ALDOA: variants seen among roughly 807,000 people sequenced by gnomAD.
ALDOA encodes fructose-bisphosphate aldolase A.
A neutral mutation model predicts 43.9 loss-of-function variants in ALDOA; 26 were observed. That is an observed-to-expected ratio of 0.59 (90% confidence interval 0.43 to 0.82). The LOEUF (loss-of-function observed/expected upper bound fraction) is 0.82, where lower values mean the gene tolerates loss of function less well. ALDOA is among the 40% of genes least tolerant of loss of function. The probability of loss-of-function intolerance (pLI) is 0.00; values close to 1 mark genes in which losing one functional copy is unlikely to be tolerated. For missense variants in ALDOA, 498 were observed against 549.5 expected (o/e 0.91, Z 0.94); for synonymous variants, 258 against 222.6 (o/e 1.16, Z -1.42).
chr16:30,067,960 C>T lies in ALDOA; in HGVS notation c.486+299C>T, dbSNP rs1376234494. The T allele has an allele frequency of 1.9e-5, 9 of 476,204 alleles. No homozygotes were observed. The South Asian group carries it at 2.0e-4, about 11-fold the overall frequency. 29.5% of individuals were successfully genotyped at this position (476,204 alleles called of 1,614,324 possible). On this transcript the variant is annotated intron_variant, in intron 4 of 9. Coordinates refer to ENST00000642816, the MANE Select transcript of ALDOA (RefSeq NM_001243177.4). Reference sequence around the variant, plus strand: ...CAACATTTCTGTTGTCAAATAACATCCCAGTGTATCCTGTCTCAGAGGATT... The same window carrying T: ...CAACATTTCTGTTGTCAAATAACATTCCAGTGTATCCTGTCTCAGAGGATT...
rs2072126011 is a variant in ALDOA at position 30,066,883 on chromosome 16, A to G, written c.-13-2A>G. 3 of 1,546,880 alleles carry G rather than the reference A, an allele frequency of 1.9e-6. No homozygotes were observed. The highest frequency in any genetic ancestry group is 8.7e-7 in the Non-Finnish European group (1 of 1,145,088). The stretch of plus-strand genomic sequence containing the variant: ...AATACTCCGGTTCGGTTTTGTTTTC[A>G]GGCAAGGTGACCCCATGGCAAGGCG... On this transcript the variant is annotated splice_acceptor_variant, in intron 1 of 9. Coordinates refer to ENST00000642816, the MANE Select transcript of ALDOA (RefSeq NM_001243177.4). LOFTEE classifies it low-confidence loss of function (5UTR_SPLICE).
upstream of ALDOA, among the ~76,000 whole-genome samples, chr16:30,065,505 G>C (rs902161278): frequency 2.6e-5 from 4 of 152,224 alleles, no homozygotes; most frequent in South Asian, 6.2e-4. Flanking sequence ...AGCGCGCCAG[G>C]CTGGGGGAAA....
Position 30,069,362 on chromosome 16 carries a change from G to A in ALDOA, c.759G>A (p.Leu253=), listed in dbSNP as rs751632844. Residue 253 remains leucine, a synonymous_variant, in exon 7 of 10, where the codon TTG becomes TTA. Coordinates refer to ENST00000642816, the MANE Select transcript of ALDOA (RefSeq NM_001243177.4). ...TCCTCCCTGATGGGGACCATGACTT[G>A]AAGCGCTGCCAGTATGTGACCGAGA... ...PEILPDGDHD[L]KRCQYVTEKV... 1 of 1,614,204 alleles carries A rather than the reference G, an allele frequency of 6.2e-7. No individual in the cohort carries two copies. The highest frequency in any genetic ancestry group is 2.2e-5 in the East Asian group (1 of 44,878).
intron 1 of ALDOA, among the ~76,000 whole-genome samples, chr16:30,066,580 T>TA (rs1449018934): frequency 1.3e-5 from 2 of 152,202 alleles, no homozygotes; most frequent in African/African-American, 4.8e-5. Context: ...CTTGCTCTCT[T>TA]ATATTTTTCC....
upstream of ALDOA, among the ~76,000 whole-genome samples, chr16:30,065,048 C>T (rs1300021452): frequency 6.6e-6 from 1 of 152,240 alleles, no homozygotes; most frequent in Non-Finnish European, 1.5e-5. Flanking sequence ...TTTTCTGTGG[C>T]GCAGAGGACT....
rs746119840 is a variant in ALDOA, at chr16:30,068,847, C to T, written c.571C>T (p.Gln191Ter). 1 of 1,614,216 alleles carries T rather than the reference C, an allele frequency of 6.2e-7. No individual in the cohort carries two copies. The highest frequency in any genetic ancestry group is 1.1e-5 in the South Asian group (1 of 91,084). ...GGATGGGCTGTCTGAGCGCTGTGCCCAGTACAAGAAGGACGGAGCTGACTT... is the reference window on the plus strand; with the variant it reads ...GGATGGGCTGTCTGAGCGCTGTGCCTAGTACAAGAAGGACGGAGCTGACTT... ...GLDGLSERCAQYKKDGADFAK... is the reference protein window; with the variant it reads ...GLDGLSERCA Residue 191 changes from glutamine (Q) to a stop codon, truncating the protein, a stop_gained, in exon 6 of 10, where the codon CAG (glutamine) becomes TAG (stop). Transcript: ENST00000642816. LOFTEE classifies it high-confidence loss of function.
At position 30,067,371 on chromosome 16, in the gene ALDOA, G is replaced by C. The variant is rs774939475; in HGVS notation, c.274+5G>C. ...TGGCTGCAGATGAGTCCACTGGTGC[G>C]GGCAGGAGACAGAATGGGTGGAGGG... On this transcript the variant is annotated splice_donor_5th_base_variant and intron_variant, in intron 3 of 9. Coordinates refer to ENST00000642816, the MANE Select transcript of ALDOA (RefSeq NM_001243177.4). The C allele has an allele frequency of 1.2e-6, 2 of 1,614,048 alleles. No homozygotes were observed. Among genetic ancestry groups the C allele is most frequent in the Non-Finnish European group, 8.5e-7 (1 of 1,180,026 alleles).
In ALDOA at chr16:30,067,232, A is replaced by G; in HGVS notation, c.142-2A>G. On this transcript the variant is annotated splice_acceptor_variant, in intron 2 of 9. Coordinates refer to ENST00000642816, the MANE Select transcript of ALDOA (RefSeq NM_001243177.4). LOFTEE classifies it high-confidence loss of function. ...TCCTTCCCCTCTGTTTCCTGTATCC[A>G]GGAACTTGCTACTACCAGCACCATG... 1.9e-6 allele frequency: 3 copies of G among 1,612,238 alleles called. No homozygotes were observed. The highest frequency in any genetic ancestry group is 2.5e-6 in the Non-Finnish European group (3 of 1,180,002).
intron 6 of ALDOA, 143 bp from the exon 7 acceptor site, chr16:30,069,163 G>T: frequency 7.6e-7 from 1 of 1,321,460 alleles, no homozygotes; most frequent in Admixed American, 1.9e-5. Flanking sequence ...ATCTGAGGCG[G>T]CTCTTGTCTC....
chr16:30,068,890 T>C lies in ALDOA; in HGVS notation c.614T>C (p.Val205Ala). ...DGADFAKWRC[V>A]LKIGEHTPSA... The stretch of plus-strand genomic sequence containing the variant: ...GCTGACTTCGCCAAGTGGCGTTGTG[T>C]GCTGAAGATTGGGGAACACACCCCC... Residue 205 changes from valine (V) to alanine (A), a missense_variant, in exon 6 of 10, where the codon GTG (valine) becomes GCG (alanine). By Grantham distance (64) the Val-to-Ala change is moderately conservative (BLOSUM62 0). Coordinates refer to ENST00000642816, the MANE Select transcript of ALDOA (RefSeq NM_001243177.4). 5 of 1,614,250 alleles carry C rather than the reference T, an allele frequency of 3.1e-6. No individual in the cohort carries two copies. The highest frequency in any genetic ancestry group is 4.2e-6 in the Non-Finnish European group (5 of 1,180,048).
At chr16:30,069,030 G>A in intron 6 of ALDOA, 52 bp downstream of exon 6, 1 of 1,612,782 alleles carries the variant, frequency 6.2e-7, no homozygotes, top group South Asian at 1.1e-5. Flanking sequence ...TGGTTCCAGT[G>A]TTGTTAATTT....
intron 1 of ALDOA, 86 bp from the exon 2 acceptor site, chr16:30,066,799 G>C: frequency 1.4e-6 from 2 of 1,431,068 alleles, no homozygotes; most frequent in Non-Finnish European, 1.9e-6. Context: ...TCCCATATCT[G>C]GGCCCTTTCC....
chr16:30,067,682 C>T (rs747490108), intron 4 of ALDOA, 21 bp downstream of exon 4: 18 of 1,613,446 alleles, frequency 1.1e-5, no homozygotes, highest in Admixed American at 5.0e-5. Flanking sequence ...GGCCTCCGGA[C>T]GTGAGGTTTG....
Position 30,070,313 on chromosome 16 carries a change from G to T in ALDOA, c.*101G>T. 1.8e-6 allele frequency: 2 copies of T among 1,142,376 alleles called. No homozygotes were observed. The highest frequency in any genetic ancestry group is 1.3e-5 in the South Asian group (1 of 79,342). The allele number at this position is 1,142,376 out of a possible 1,614,324, so 70.8% of individuals were successfully genotyped here. On this transcript the variant is annotated 3_prime_UTR_variant, in exon 10 of 10. Coordinates refer to ENST00000642816, the MANE Select transcript of ALDOA (RefSeq NM_001243177.4). Reference sequence around the variant, plus strand: ...CGGGGCTCCAGGCTGGCTTGCCCGCGCTCTTTCTTCCCTCGTGACAGTGGT... The same window carrying T: ...CGGGGCTCCAGGCTGGCTTGCCCGCTCTCTTTCTTCCCTCGTGACAGTGGT...
At chr16:30,069,696 T>C in intron 8 of ALDOA, 23 bp downstream of exon 8, 1 of 1,612,956 alleles carries the variant, frequency 6.2e-7, no homozygotes, top group Non-Finnish European at 8.5e-7. Flanking sequence ...CTCATCTTGA[T>C]CTCTATGCAG....
rs375985075 is a variant in ALDOA at position 30,067,345 on chromosome 16, C to T, written c.253C>T (p.Leu85=). ...HRIVAPGKGI[L]AADESTGSIA... ...CATCGTGGCACCTGGCAAGGGCATC[C>T]TGGCTGCAGATGAGTCCACTGGTGC... Residue 85 remains leucine (L), a synonymous_variant, in exon 3 of 10, where the codon CTG becomes TTG. Coordinates refer to ENST00000642816, the MANE Select transcript of ALDOA (RefSeq NM_001243177.4). The T allele has an allele frequency of 4.0e-5, 65 of 1,613,832 alleles. No individual in the cohort carries two copies. The highest frequency in any genetic ancestry group is 5.3e-5 in the Non-Finnish European group (63 of 1,180,012).
Position 30,070,253 on chromosome 16 carries a change from G to GC in ALDOA, c.*46dup, listed in dbSNP as rs1423048729. 1.3e-6 allele frequency: 2 copies of GC among 1,599,456 alleles called. No homozygotes were observed. Among genetic ancestry groups the GC allele is most frequent in the African/African-American group, 1.3e-5 (1 of 74,602 alleles). On this transcript the variant is annotated 3_prime_UTR_variant, in exon 10 of 10. Coordinates refer to ENST00000642816, the MANE Select transcript of ALDOA (RefSeq NM_001243177.4). ...GGCTGCCCCCAACACTCCAGGCCCT[G>GC]CCCCCTCCCACTCTTGAAGAGGAGG...
rs886051896 is a variant in ALDOA, at chr16:30,070,288, C to G, written c.*76C>G. ...ACTCTTGAAGAGGAGGCCGCCTCCT[C>G]GGGGCTCCAGGCTGGCTTGCCCGCG... is the stretch of plus-strand genomic sequence containing the variant. On this transcript the variant is annotated 3_prime_UTR_variant, in exon 10 of 10. Transcript: ENST00000642816. 12 of 1,461,598 alleles carry G rather than the reference C, an allele frequency of 8.2e-6. No homozygotes were observed. Among genetic ancestry groups the G allele is most frequent in the Non-Finnish European group, 1.1e-5 (12 of 1,043,498 alleles). 90.5% of individuals were successfully genotyped at this position (1,461,598 alleles called of 1,614,324 possible).
At position 30,069,630 on chromosome 16, in the gene ALDOA, G is replaced by A. The variant is rs761982199; in HGVS notation, c.918G>A (p.Ala306=). The change falls in exon 8 of 10, where the codon GCG becomes GCA. Residue 306 remains alanine, a synonymous_variant. Transcript: ENST00000642816. ...TTTCTCATGAGGAGATTGCCATGGC[G>A]ACCGTCACAGCGCTGCGCCGCACAG... is the stretch of plus-strand genomic sequence containing the variant. The part of the protein sequence containing the change: ...QKFSHEEIAM[A]TVTALRRTVP... 8 of 1,613,890 alleles carry A rather than the reference G, an allele frequency of 5.0e-6. No individual in the cohort carries two copies. The highest frequency in any genetic ancestry group is 1.6e-4 in the Middle Eastern group (1 of 6,062).
Sources: gnomAD v4.1 joint callset for allele counts (sites outside exome capture counted in the v4.1 genomes callset) on GRCh38, gnomAD v4.1.1 for gene constraint, MANE v1.5 for transcripts, NCBI Gene and HGNC (gene_info 2026-07-23, HGNC 2026-07-21) for gene names.